Variants in FRMD4B observed in about 807,000 individuals in gnomAD.
FRMD4B encodes FERM domain-containing protein 4B.
In FRMD4B, 74 loss-of-function variants were observed where a neutral mutation model predicts 141.5. The observed-to-expected ratio is 0.52, with a 90% CI of 0.43 to 0.63. The LOEUF is 0.63. FRMD4B is among the 30% of genes least tolerant of loss of function. The pLI, the probability that FRMD4B is intolerant of heterozygous loss-of-function variation, is 0.00. For synonymous variants in FRMD4B, 506 were observed against 467.9 expected (o/e 1.08, Z -1.05); for missense variants, 1,366 against 1,253.4 (o/e 1.09, Z -1.36).
chr3:69,475,924 T>C (rs571198007), intron 1 of FRMD4B, among the ~76,000 whole-genome samples: 1 of 151,972 alleles, frequency 6.6e-6, no homozygotes, highest in East Asian at 1.9e-4. Context: ...GGTATTTCAT[T>C]GTGGTTTTGA....
chr3:69,417,493 G>T (rs750619720), intron 2 of FRMD4B, among the ~76,000 whole-genome samples: 2 of 152,078 alleles, frequency 1.3e-5, no homozygotes, highest in Non-Finnish European at 2.9e-5. Flanking sequence ...CATTCTGTAG[G>T]TTGCCTGTTT....
At chr3:69,414,572 C>A (rs1704817194) in intron 2 of FRMD4B, among the ~76,000 whole-genome samples, 1 of 152,226 alleles carries the variant, frequency 6.6e-6, no homozygotes, top group Non-Finnish European at 1.5e-5. Context: ...GCCTTGGCCT[C>A]CCAAAGTGCT....
intron 1 of FRMD4B, among the ~76,000 whole-genome samples, chr3:69,333,036 C>T (rs1438308412): frequency 6.6e-6 from 1 of 152,136 alleles, no homozygotes; most frequent in African/African-American, 2.4e-5. Context: ...CTTTCCATCA[C>T]ATTAAACTAG....
intron 5 of FRMD4B, among the ~76,000 whole-genome samples, chr3:69,251,163 A>G (rs1204839862): frequency 2.6e-5 from 4 of 152,176 alleles, no homozygotes; most frequent in Admixed American, 6.5e-5. Context: ...AAAAAATTCC[A>G]CGTAACTCCA....
intron 2 of FRMD4B, among the ~76,000 whole-genome samples, chr3:69,402,772 C>T (rs920288719): frequency 1.3e-5 from 2 of 152,080 alleles, no homozygotes; most frequent in Non-Finnish European, 2.9e-5. Context: ...TTATTGGCAT[C>T]AGGAGACAGT....
At chr3:69,439,034 A>C (rs1252977917) in intron 1 of FRMD4B, among the ~76,000 whole-genome samples, 2 of 143,852 alleles carry the variant, frequency 1.4e-5, no homozygotes, top group African/African-American at 5.3e-5. Context: ...AATTTGGTAG[A>C]TATTTAGTTC....
Position 69,331,259 on chromosome 3 carries a change from T to C in FRMD4B, c.163-17742A>G, listed in dbSNP as rs933958993. The stretch of plus-strand genomic sequence containing the variant: ...GCAAACTCATTGAGGAGTCCTTAAA[T>C]TCCAGAATTTGAAATTTTGGTCACT... On this transcript the variant is annotated intron_variant, in intron 1 of 22. Transcript: ENST00000398540. Among the ~76,000 whole-genome samples, 7 of 152,272 alleles carry C rather than the reference T, an allele frequency of 4.6e-5. No homozygotes were observed. In the East Asian group the frequency reaches 7.7e-4, roughly 17 times the overall value.
intron 1 of FRMD4B, among the ~76,000 whole-genome samples, chr3:69,380,150 C>G (rs1369289437): frequency 6.6e-6 from 1 of 152,070 alleles, no homozygotes; most frequent in Non-Finnish European, 1.5e-5. Context: ...CTTCAGAGAC[C>G]CTAGTGGGAG....
intron 3 of FRMD4B, 115 bp downstream of exon 3, chr3:69,311,148 A>G (rs1237985070): frequency 5.6e-6 from 3 of 531,940 alleles, no homozygotes; most frequent in Non-Finnish European, 6.9e-6. Flanking sequence ...CCTTTAGCTA[A>G]GCAGGACATG....
intron 2 of FRMD4B, among the ~76,000 whole-genome samples, chr3:69,412,840 C>CT (rs869150440): frequency 0.016 from 872 of 54,266 alleles, 116 homozygotes; most frequent in African/African-American, 0.029. Context: ...AGAAGCTCCA[C>CT]TTTTTTTTTT....
rs192808682 is a variant in FRMD4B at position 69,509,004 on chromosome 3, C to T, written c.-129+33202G>A. Among the ~76,000 whole-genome samples the T allele has an allele frequency of 1.4e-3, 212 of 152,314 alleles. 1 individual carries two copies. Among genetic ancestry groups the T allele is most frequent in the African/African-American group, 4.9e-3 (205 of 41,580 alleles). ...AGACTAGGTCTTGAATTCTTTTAAA[C>T]CCAAATACATGTAATCACCTGTTGA... is the stretch of plus-strand genomic sequence containing the variant. On this transcript the variant is annotated intron_variant, in intron 1 of 5. Coordinates refer to the FRMD4B transcript ENST00000459638.
chr3:69,307,150 T>A (rs913847559), intron 3 of FRMD4B, among the ~76,000 whole-genome samples: 1 of 151,624 alleles, frequency 6.6e-6, no homozygotes, highest in East Asian at 1.9e-4. Context: ...TGCCGGGGAG[T>A]GCACAGAGGA....
chr3:69,228,503 CTG>C (rs2093275593), intron 7 of FRMD4B: 2 of 455,148 alleles, frequency 4.4e-6, no homozygotes, highest in East Asian at 7.0e-5. Flanking sequence ...AGATTTGACT[CTG>C]TGTGATAGAG....
chr3:69,482,097 C>T (rs535940233), intron 1 of FRMD4B, among the ~76,000 whole-genome samples: 1 of 152,276 alleles, frequency 6.6e-6, no homozygotes, highest in African/African-American at 2.4e-5. Context: ...AAAATCATCA[C>T]CTGGGTTTCA....
chr3:69,194,216 A>C (rs1021523264), intron 16 of FRMD4B, among the ~76,000 whole-genome samples: 10 of 152,220 alleles, frequency 6.6e-5, no homozygotes, highest in Admixed American at 2.6e-4. Context: ...GAGACAGATA[A>C]ATTTGGGTTT....
At chr3:69,281,282 G>T (rs1010949307) in intron 5 of FRMD4B, among the ~76,000 whole-genome samples, 1 of 152,070 alleles carries the variant, frequency 6.6e-6, no homozygotes, top group Non-Finnish European at 1.5e-5. Flanking sequence ...TTTGATGAAG[G>T]TTGTAATTAG....
chr3:69,457,802 A>C (rs1379448346), intron 1 of FRMD4B, among the ~76,000 whole-genome samples: 1 of 152,216 alleles, frequency 6.6e-6, no homozygotes, highest in African/African-American at 2.4e-5. Flanking sequence ...CCCTAATTTC[A>C]GCCTTAGCTG....
intron 5 of FRMD4B, among the ~76,000 whole-genome samples, chr3:69,263,396 CTTTTTTTTT>C (rs67497031): frequency 2.7e-5 from 2 of 72,922 alleles, no homozygotes; most frequent in African/African-American, 1.2e-4. Flanking sequence ...GTTACATGCA[CTTTTTTTTT>C]TTTTTTTTTT....
intron 4 of FRMD4B, among the ~76,000 whole-genome samples, chr3:69,290,672 T>G (rs555765964): frequency 6.6e-6 from 1 of 152,198 alleles, no homozygotes; most frequent in Non-Finnish European, 1.5e-5. Context: ...CCCTGAGCTC[T>G]TACTGAGGTG....
Sources: allele counts gnomAD v4.1 joint callset (sites outside exome capture counted in the v4.1 genomes callset), GRCh38; gene constraint gnomAD v4.1.1; transcripts MANE v1.5; gene names NCBI Gene and HGNC (gene_info 2026-07-23, HGNC 2026-07-21).